The following ANOS1 variants were observed in gnomAD, a reference collection of about 807,000 sequenced individuals.
ANOS1 encodes anosmin-1.
ANOS1 carries 6 observed loss-of-function variants against 59.0 expected under a neutral mutation model. The ratio of observed to expected loss-of-function variants is 0.10; its 90% CI spans 0.06 to 0.20. The LOEUF is 0.20. Ranked by LOEUF, ANOS1 falls within the 10% of genes least tolerant of loss-of-function variation. ANOS1 has a pLI of 1.00. For missense variants in ANOS1, 433 were observed against 542.3 expected (o/e 0.80, Z 2.00); for synonymous variants, 217 against 223.4 (o/e 0.97, Z 0.25).
chrX:8,628,925 A>G (rs1365769265), intron 2 of ANOS1, among the ~76,000 whole-genome samples: 2 of 111,893 alleles, frequency 1.8e-5, no homozygotes, highest in Admixed American at 9.5e-5. Context: ...GTGGAGCCTC[A>G]TCACAACACA....
intron 1 of ANOS1, among the ~76,000 whole-genome samples, chrX:8,715,844 T>C (rs914991548): frequency 4.5e-5 from 5 of 110,089 alleles, no homozygotes; most frequent in African/African-American, 1.7e-4. Context: ...TGATCGTCCC[T>C]CCTCAGTCTC....
chrX:8,534,426 G>A lies in ANOS1; in HGVS notation c.1877C>T (p.Pro626Leu), dbSNP rs1328056966. 5.8e-6 allele frequency: 7 copies of A among 1,207,741 alleles called. No individual in the cohort carries two copies. Among genetic ancestry groups the A allele is most frequent in the African/African-American group, 1.8e-5 (1 of 56,836 alleles). Residue 626 changes from proline (P) to leucine (L), a missense_variant, in exon 13 of 14, where the codon CCA (proline) becomes CTA (leucine). By Grantham distance (98) the Pro-to-Leu change is moderately conservative. Transcript: ENST00000262648. ...HYVLTVPNLR[P>L]STLYRLEVQV... ...CACTTCCAGTCGGTAAAGAGTAGAT[G>A]GTCTCAGATTGGGCACTGTTAGGAC... is the stretch of plus-strand genomic sequence containing the variant.
chrX:8,642,441 G>T (rs1004666657), intron 2 of ANOS1, among the ~76,000 whole-genome samples: 2 of 110,451 alleles, frequency 1.8e-5, no homozygotes, highest in African/African-American at 6.6e-5. Flanking sequence ...CTATAATTCT[G>T]CTGATAATTG....
chrX:8,709,379 T>C (rs1380420097), intron 1 of ANOS1, among the ~76,000 whole-genome samples: 1 of 112,377 alleles, frequency 8.9e-6, no homozygotes, highest in Admixed American at 9.4e-5. Flanking sequence ...TCAAAGTTCT[T>C]GTGAATAATG....
chrX:8,707,285 T>C (rs1458593068), intron 1 of ANOS1, among the ~76,000 whole-genome samples: 2 of 111,705 alleles, frequency 1.8e-5, no homozygotes, highest in African/African-American at 3.3e-5. Flanking sequence ...TAGGAGGTCA[T>C]ACAAAGGAAT....
At chrX:8,568,099 C>T (rs1317672006) in intron 8 of ANOS1, 133 bp downstream of exon 8, 7 of 617,625 alleles carry the variant, frequency 1.1e-5, no homozygotes, top group East Asian at 7.2e-5. Flanking sequence ...ACTTTAGTCA[C>T]ATGCATGTGG....
chrX:8,676,296 T>C (rs1569080217), intron 2 of ANOS1, among the ~76,000 whole-genome samples: 1 of 111,954 alleles, frequency 8.9e-6, no homozygotes, highest in Non-Finnish European at 1.9e-5. Context: ...CAAGATAACA[T>C]AACTAATGTG....
At chrX:8,668,191 C>T (rs370294424) in intron 2 of ANOS1, among the ~76,000 whole-genome samples, 1 of 106,945 alleles carries the variant, frequency 9.4e-6, no homozygotes, top group East Asian at 2.9e-4. Context: ...CCCTTCTCAC[C>T]CTTTCCCCGA....
chrX:8,664,488 C>T (rs1419952174), intron 2 of ANOS1, among the ~76,000 whole-genome samples: 4 of 110,388 alleles, frequency 3.6e-5, no homozygotes, highest in Non-Finnish European at 7.6e-5. Context: ...CCACCGCCCC[C>T]GGCCAGGGAT....
At chrX:8,680,233 C>A (rs1602021606) in intron 2 of ANOS1, among the ~76,000 whole-genome samples, 1 of 91,397 alleles carries the variant, frequency 1.1e-5, no homozygotes, top group Admixed American at 1.2e-4. Flanking sequence ...TTTATTTATT[C>A]TTAGAGACAG....
At chrX:8,674,713 T>C (rs1932308991) in intron 2 of ANOS1, among the ~76,000 whole-genome samples, 1 of 112,723 alleles carries the variant, frequency 8.9e-6, no homozygotes, top group South Asian at 3.7e-4. Flanking sequence ...TTGGACACGC[T>C]TGCTTTAAGA....
At chrX:8,654,265 C>T (rs1931895376) in intron 2 of ANOS1, among the ~76,000 whole-genome samples, 1 of 111,738 alleles carries the variant, frequency 8.9e-6, no homozygotes, top group Admixed American at 9.5e-5. Flanking sequence ...ACATGTGTAA[C>T]CAAAAAGCAA....
chrX:8,698,557 G>C (rs761419114), intron 2 of ANOS1, among the ~76,000 whole-genome samples: 6 of 112,011 alleles, frequency 5.4e-5, no homozygotes, highest in Middle Eastern at 4.7e-3. Context: ...TCCAGTTGAA[G>C]ACCAATTAAT....
At chrX:8,596,783 T>A (rs906429543) in intron 4 of ANOS1, among the ~76,000 whole-genome samples, 2 of 112,193 alleles carry the variant, frequency 1.8e-5, no homozygotes, top group Non-Finnish European at 3.8e-5. Context: ...CCTGAATTGT[T>A]GCTGTCCATC....
At chrX:8,626,586 G>A (rs754232144) in intron 2 of ANOS1, among the ~76,000 whole-genome samples, 2 of 110,920 alleles carry the variant, frequency 1.8e-5, no homozygotes, top group African/African-American at 6.6e-5. Context: ...AAGGCCGGGC[G>A]CGGTGGCTCA....
intron 2 of ANOS1, among the ~76,000 whole-genome samples, chrX:8,651,918 T>C (rs1249692249): frequency 9.0e-6 from 1 of 111,720 alleles, no homozygotes; most frequent in Non-Finnish European, 1.9e-5. Flanking sequence ...GATGTGCATT[T>C]ATTTTTTATT....
intron 6 of ANOS1, among the ~76,000 whole-genome samples, chrX:8,576,467 T>TACAC (rs772802620): frequency 0.028 from 2,776 of 100,019 alleles, 109 homozygotes; most frequent in African/African-American, 0.096. Flanking sequence ...TATATATATA[T>TACAC]ACACACACAC....
chrX:8,658,999 C>A (rs1037575145), intron 2 of ANOS1, among the ~76,000 whole-genome samples: 4 of 111,278 alleles, frequency 3.6e-5, no homozygotes, highest in African/African-American at 1.3e-4. Context: ...GAGGCCGAGG[C>A]GGGCGGATCA....
chrX:8,542,139 T>C (rs1929700886), intron 9 of ANOS1, among the ~76,000 whole-genome samples: 1 of 107,729 alleles, frequency 9.3e-6, no homozygotes, highest in Admixed American at 1.0e-4. Flanking sequence ...ATCACTTCAT[T>C]GATTCCCATG....
Sources: allele counts gnomAD v4.1 joint callset (sites outside exome capture counted in the v4.1 genomes callset), GRCh38; gene constraint gnomAD v4.1.1; transcripts MANE v1.5; gene names NCBI Gene and HGNC (gene_info 2026-07-23, HGNC 2026-07-21).